Variants in KRT6B observed in about 807,000 individuals in gnomAD.
KRT6B encodes keratin 6B.
A neutral mutation model predicts 44.7 loss-of-function variants in KRT6B; 29 were observed. The observed-to-expected ratio is 0.65, with a 90% CI of 0.48 to 0.88. The LOEUF (loss-of-function observed/expected upper bound fraction) is 0.88. KRT6B is among the 40% of genes least tolerant of loss of function. The pLI is 0.00. For missense variants in KRT6B, 600 were observed against 724.0 expected, an observed-to-expected ratio of 0.83 and a Z score of 1.97; for synonymous variants, 213 against 296.0, an observed-to-expected ratio of 0.72 and a Z score of 2.88.
chr12:52,447,212 C>T lies in KRT6B; in HGVS notation c.1673G>A (p.Ser558Asn), dbSNP rs771328301. The change falls in exon 9 of 9, where the codon AGC becomes AAC. Residue 558 changes from serine (S) to asparagine (N), a missense_variant. This residue lies in a region of KRT6B where 479 missense variants were observed against 454.2 expected (regional missense o/e 1.05). Coordinates refer to ENST00000252252, the MANE Select transcript of KRT6B (RefSeq NM_005555.4). The stretch of plus-strand genomic sequence containing the variant: ...ACTTCAGTGCTTGTAGCTCTTCCTG[C>T]TGGAGGAGGAGGTGGTGGTGTACTT... ...TIKYTTTSSS[S>N]RKSYKH 3.7e-6 allele frequency: 6 copies of T among 1,614,090 alleles called. No individual in the cohort carries two copies. The highest frequency in any genetic ancestry group is 2.7e-5 in the African/African-American group (2 of 75,040).
chr12:52,447,155 T>G lies in KRT6B; in HGVS notation c.*35A>C. 46 of 1,610,792 alleles carry G rather than the reference T, an allele frequency of 2.9e-5. No homozygotes were observed. Among genetic ancestry groups the G allele is most frequent in the Non-Finnish European group, 3.6e-5 (42 of 1,177,828 alleles). On this transcript the variant is annotated 3_prime_UTR_variant, in exon 9 of 9. Coordinates refer to ENST00000252252, the MANE Select transcript of KRT6B (RefSeq NM_005555.4). The stretch of plus-strand genomic sequence containing the variant: ...AGGGCTCTGCTGCCAGAGAGGGGCC[T>G]GAGAGCTGTGGGACTGAGAGCTGGC...
Position 52,448,922 on chromosome 12 carries a change from G to A in KRT6B, c.1123C>T (p.Arg375Cys), listed in dbSNP as rs751554113. 48 of 1,613,580 alleles carry A rather than the reference G, an allele frequency of 3.0e-5. No homozygotes were observed. The highest frequency in any genetic ancestry group is 8.3e-5 in the Admixed American group (5 of 59,938). ...ITAGRHGDDLRNTKQEIAEIN... is the reference protein window; with the variant it reads ...ITAGRHGDDLCNTKQEIAEIN... Reference sequence around the variant, plus strand: ...TCAGCAATCTCCTGCTTGGTGTTGCGCAGGTCGTCCCCATGTCTGCCTGCT... The same window carrying A: ...TCAGCAATCTCCTGCTTGGTGTTGCACAGGTCGTCCCCATGTCTGCCTGCT... The change falls in exon 6 of 9, where the codon CGC becomes TGC. Residue 375 changes from arginine (R) to cysteine (C), a missense_variant. By Grantham distance (180) the Arg-to-Cys change is radical. Coordinates refer to ENST00000252252, the MANE Select transcript of KRT6B (RefSeq NM_005555.4).
chr12:52,447,757 G>A (rs765846212), intron 7 of KRT6B, 21 bp downstream of exon 7: 6 of 1,614,232 alleles, frequency 3.7e-6, no homozygotes, highest in Admixed American at 1.7e-5. Flanking sequence ...GCTGTTGGAG[G>A]AAGTCGCGTC....
chr12:52,449,972 C>T (rs536947019), intron 3 of KRT6B, 40 bp downstream of exon 3: 424 of 1,613,918 alleles, frequency 2.6e-4, no homozygotes, highest in Non-Finnish European at 3.4e-4. Flanking sequence ...CCACTTCTCT[C>T]CTTCTAAATG....
chr12:52,448,828 G>A lies in KRT6B; in HGVS notation c.1203+14C>T. The A allele has an allele frequency of 3.1e-6, 5 of 1,614,022 alleles. No homozygotes were observed. Among genetic ancestry groups the A allele is most frequent in the Non-Finnish European group, 4.2e-6 (5 of 1,180,002 alleles). On this transcript the variant is annotated intron_variant, in intron 6 of 8. Transcript: ENST00000252252. ...AAAAATGATGCTTTTCTCCTCCATT[G>A]CCCCTCACCATACCTGCTTCTTGAC...
In KRT6B at chr12:52,447,112, G is replaced by T; in HGVS notation, c.*78C>A. Reference sequence around the variant, plus strand: ...CAGGGGAGACTGGAGGCCAGGGGAGGACAAGCAACCTGAGGAGAGGGCTCT... The same window carrying T: ...CAGGGGAGACTGGAGGCCAGGGGAGTACAAGCAACCTGAGGAGAGGGCTCT... On this transcript the variant is annotated 3_prime_UTR_variant, in exon 9 of 9. Transcript: ENST00000252252. The T allele has an allele frequency of 6.3e-6, 10 of 1,583,288 alleles. No homozygotes were observed. In the South Asian group the frequency reaches 1.2e-4, roughly 18 times the overall value.
In KRT6B at chr12:52,447,814, G is replaced by A. The variant is rs764620689; in HGVS notation, c.1388C>T (p.Ala463Val). 168 of 1,614,036 alleles carry A rather than the reference G, an allele frequency of 1.0e-4. No individual in the cohort carries two copies. The highest frequency in any genetic ancestry group is 9.9e-4 in the Middle Eastern group (6 of 6,084). Residue 463 changes from alanine (A) to valine (V), a missense_variant, in exon 7 of 9, where the codon GCC becomes GTC. By Grantham distance (64) the Ala-to-Val change is moderately conservative. Coordinates refer to ENST00000252252, the MANE Select transcript of KRT6B (RefSeq NM_005555.4). The stretch of plus-strand genomic sequence containing the variant: ...GCCCTCCAGCAGCTTGCGGTAGGTG[G>A]CGATCTCCACATCCAGGGCCAGCTT... Reference protein sequence around the residue: ...NVKLALDVEIATYRKLLEGEE... With the variant: ...NVKLALDVEIVTYRKLLEGEE...
rs1421486947 is a variant in KRT6B at position 52,447,324 on chromosome 12, G to C, written c.1561C>G (p.Leu521Val). Residue 521 changes from leucine to valine, a missense_variant, in exon 9 of 9, where the codon CTT becomes GTT. Around this residue, in one of 4 missense-constraint regions of KRT6B, gnomAD observed 479 missense variants for 454.2 expected, o/e 1.05. Transcript: ENST00000252252. ...GGSSYSYGSG[L>V]GVGGGFSSSS... ...GAACTAAAGCCGCCTCCAACGCCAA[G>C]ACCACTGCCATAGGAGTAGCTGCTT... The C allele has an allele frequency of 6.2e-7, 1 of 1,613,918 alleles. No individual in the cohort carries two copies. The highest frequency in any genetic ancestry group is 8.5e-7 in the Non-Finnish European group (1 of 1,179,892).
In KRT6B at chr12:52,447,320, C is replaced by T. The variant is rs777924533; in HGVS notation, c.1565G>A (p.Gly522Asp). The T allele has an allele frequency of 3.7e-6, 6 of 1,614,046 alleles. No homozygotes were observed. Among genetic ancestry groups the T allele is most frequent in the Non-Finnish European group, 4.2e-6 (5 of 1,179,896 alleles). ...GCTGGAACTAAAGCCGCCTCCAACG[C>T]CAAGACCACTGCCATAGGAGTAGCT... is the stretch of plus-strand genomic sequence containing the variant. ...GSSYSYGSGL[G>D]VGGGFSSSSG... Residue 522 changes from glycine to aspartate, a missense_variant, in exon 9 of 9, where the codon GGC becomes GAC. Physicochemically the swap from Gly to Asp is moderately conservative, Grantham distance 94. Coordinates refer to ENST00000252252, the MANE Select transcript of KRT6B (RefSeq NM_005555.4).
At chr12:52,449,242 C>G (rs185864212) in intron 5 of KRT6B, among the ~76,000 whole-genome samples, 3 of 152,338 alleles carry the variant, frequency 2.0e-5, no homozygotes, top group African/African-American at 4.8e-5. Context: ...GCTAAAAGCA[C>G]AGATGACTAT....
At chr12:52,451,351 C>A (rs1940399646) in intron 1 of KRT6B, among the ~76,000 whole-genome samples, 188 bp downstream of exon 1, 1 of 147,618 alleles carries the variant, frequency 6.8e-6, no homozygotes, top group Non-Finnish European at 1.5e-5. Flanking sequence ...GAGGGCCACT[C>A]CAGATATCCC....
At chr12:52,449,225 A>G (rs1442365839) in intron 5 of KRT6B, among the ~76,000 whole-genome samples, 3 of 152,216 alleles carry the variant, frequency 2.0e-5, no homozygotes, top group African/African-American at 4.8e-5. Flanking sequence ...TCAGCAACCA[A>G]GGTGAAGCTA....
In KRT6B at chr12:52,447,126, G is replaced by A; in HGVS notation, c.*64C>T. The A allele has an allele frequency of 1.9e-6, 3 of 1,602,562 alleles. No individual in the cohort carries two copies. Among genetic ancestry groups the A allele is most frequent in the Non-Finnish European group, 1.7e-6 (2 of 1,173,624 alleles). On this transcript the variant is annotated 3_prime_UTR_variant, in exon 9 of 9. Transcript: ENST00000252252. ...GGCCAGGGGAGGACAAGCAACCTGA[G>A]GAGAGGGCTCTGCTGCCAGAGAGGG...
Position 52,446,929 on chromosome 12 carries a change from A to G in KRT6B, c.*261T>C. The G allele has an allele frequency of 3.6e-6, 2 of 559,368 alleles. No homozygotes were observed. Among genetic ancestry groups the G allele is most frequent in the South Asian group, 2.3e-5 (1 of 44,124 alleles). 34.7% of individuals were successfully genotyped at this position (559,368 alleles called of 1,614,324 possible). A position where few individuals can be genotyped will look rare whatever the true frequency, so the allele number is the denominator to read the frequency against. Reference sequence around the variant, plus strand: ...TATAGGTCATTTTCTTCTCAGAATTATGGCAGACTCAGATACCTGTAATAA... The same window carrying G: ...TATAGGTCATTTTCTTCTCAGAATTGTGGCAGACTCAGATACCTGTAATAA... On this transcript the variant is annotated 3_prime_UTR_variant, in exon 9 of 9. Transcript: ENST00000252252.
At chr12:52,450,227 T>G (rs574256649) in intron 2 of KRT6B, among the ~76,000 whole-genome samples, 155 bp from the exon 3 acceptor site, 1 of 152,326 alleles carries the variant, frequency 6.6e-6, no homozygotes, top group East Asian at 1.9e-4. Context: ...CTACTAAATT[T>G]GCCATTTCTT....
rs769460857 is a variant in KRT6B at position 52,449,514 on chromosome 12, A to C, written c.1032T>G (p.Ile344Met). 1.2e-6 allele frequency: 2 copies of C among 1,614,164 alleles called. No homozygotes were observed. Among genetic ancestry groups the C allele is most frequent in the Admixed American group, 1.7e-5 (1 of 60,028 alleles). The change falls in exon 5 of 9, where the codon ATT becomes ATG. Residue 344 changes from isoleucine (I) to methionine (M), a missense_variant. Coordinates refer to ENST00000252252, the MANE Select transcript of KRT6B (RefSeq NM_005555.4). ...CAGCCTCAGCCCTGCTCCTCTGAGCAATCTCCTCATATTGGGCCTTGACCT... is the reference window on the plus strand; with the variant it reads ...CAGCCTCAGCCCTGCTCCTCTGAGCCATCTCCTCATATTGGGCCTTGACCT... The part of the protein sequence containing the change: ...IAEVKAQYEE[I>M]AQRSRAEAES...
chr12:52,448,396 C>T (rs1201856197), intron 6 of KRT6B, among the ~76,000 whole-genome samples: 2 of 152,164 alleles, frequency 1.3e-5, no homozygotes, highest in African/African-American at 2.4e-5. Context: ...TGTGACCTTG[C>T]CTTCCTCCTG....
chr12:52,451,252 C>G (rs1245760228), intron 1 of KRT6B, among the ~76,000 whole-genome samples: 1 of 150,530 alleles, frequency 6.6e-6, no homozygotes, highest in Non-Finnish European at 1.5e-5. Flanking sequence ...TTAAACACTT[C>G]AGAGGGGAGA....
At chr12:52,448,718 G>A in intron 6 of KRT6B, 124 bp downstream of exon 6, 2 of 1,503,400 alleles carry the variant, frequency 1.3e-6, no homozygotes, top group Non-Finnish European at 1.8e-6. Context: ...CCTAGGAACT[G>A]CATGTCTTTC....
Sources: gnomAD v4.1 joint callset for allele counts (sites outside exome capture counted in the v4.1 genomes callset) on GRCh38, gnomAD v4.1.1 for gene constraint, gnomAD v4.1.1 regional missense constraint, MANE v1.5 for transcripts, NCBI Gene and HGNC (gene_info 2026-07-23, HGNC 2026-07-21) for gene names.